Variants in KLHL29 observed in about 807,000 individuals in gnomAD.
KLHL29 encodes the protein kelch like family member 29, also known as kelch-like protein 29.
In KLHL29, 21 loss-of-function variants were observed where a neutral mutation model predicts 80.4. The observed-to-expected ratio is 0.26, with a 90% CI of 0.19 to 0.38. KLHL29 has a LOEUF of 0.38. Among genes scored for constraint, KLHL29 ranks in the 10% least tolerant of loss-of-function variants. The probability of loss-of-function intolerance (pLI) is 1.00; values close to 1 mark genes in which losing one functional copy is unlikely to be tolerated. For synonymous variants in KLHL29, 511 were observed against 526.8 expected, an observed-to-expected ratio of 0.97 and a Z score of 0.41; for missense variants, 867 against 1,223.9, an observed-to-expected ratio of 0.71 and a Z score of 4.35.
chr2:23,491,273 G>A (rs1665095418), intron 2 of KLHL29, among the ~76,000 whole-genome samples: 1 of 152,122 alleles, frequency 6.6e-6, no homozygotes, highest in South Asian at 2.1e-4. Context: ...AGGTGGGTGG[G>A]TATGTGAATG....
Position 23,696,100 on chromosome 2 carries a change from G to A in KLHL29, c.1891G>A (p.Val631Ile). ...CTTCTATGACCGCGAGTTCTTCAGT[G>A]TAGTGAGTGCAGGGGACAACATCTA... is the stretch of plus-strand genomic sequence containing the variant. ...LPFYDREFFS[V>I]VSAGDNIYLS... Residue 631 changes from valine to isoleucine, a missense_variant, in exon 10 of 14, where the codon GTA becomes ATA. Physicochemically the swap from Val to Ile is conservative, Grantham distance 29. Around this residue, in one of 2 missense-constraint regions of KLHL29, gnomAD observed 443 missense variants for 767.0 expected, o/e 0.58. Coordinates refer to ENST00000486442, the MANE Select transcript of KLHL29 (RefSeq NM_052920.2). This position sits in a 1 kb window ranked among gnomAD's most constrained non-coding sequence, Gnocchi z 5.5. 2 of 1,551,832 alleles carry A rather than the reference G, an allele frequency of 1.3e-6. No homozygotes were observed. Among genetic ancestry groups the A allele is most frequent in the Non-Finnish European group, 8.7e-7 (1 of 1,147,016 alleles).
intron 1 of KLHL29, among the ~76,000 whole-genome samples, chr2:23,419,879 T>C (rs1662736258): frequency 6.6e-6 from 1 of 152,110 alleles, no homozygotes; most frequent in Non-Finnish European, 1.5e-5. Context: ...TACTCCAGGA[T>C]TAGGCTGCCT....
At chr2:23,415,406 T>A (rs939475498) in intron 1 of KLHL29, among the ~76,000 whole-genome samples, 4 of 152,236 alleles carry the variant, frequency 2.6e-5, no homozygotes, top group Non-Finnish European at 4.4e-5. Context: ...TTAAAAACGT[T>A]CTTTCTTTTG....
chr2:23,597,974 A>G (rs1378046448), intron 3 of KLHL29, among the ~76,000 whole-genome samples: 1 of 152,118 alleles, frequency 6.6e-6, no homozygotes, highest in Non-Finnish European at 1.5e-5. Flanking sequence ...GCCAGGAGTA[A>G]GGCCCCCTTC....
intron 1 of KLHL29, among the ~76,000 whole-genome samples, chr2:23,425,573 C>T (rs759684179): frequency 3.0e-4 from 46 of 152,306 alleles, no homozygotes; most frequent in Middle Eastern, 6.8e-3. Context: ...AGCCCCCTGC[C>T]TGCGTCCTAC....
intron 3 of KLHL29, among the ~76,000 whole-genome samples, chr2:23,563,915 G>A (rs908567000): frequency 6.6e-6 from 1 of 152,262 alleles, no homozygotes; most frequent in Non-Finnish European, 1.5e-5. Context: ...CCCCAGGCCA[G>A]CCAAACACAT....
chr2:23,404,065 A>T (rs1666666312), intron 1 of KLHL29, among the ~76,000 whole-genome samples: 1 of 152,236 alleles, frequency 6.6e-6, no homozygotes, highest in Non-Finnish European at 1.5e-5. Context: ...GTGTTTTAAT[A>T]GAAGGCTTTA....
intron 2 of KLHL29, among the ~76,000 whole-genome samples, chr2:23,536,708 G>A (rs2103481189): frequency 6.6e-6 from 1 of 152,250 alleles, no homozygotes; most frequent in South Asian, 2.1e-4. Flanking sequence ...AGGCCGTTAG[G>A]AGGACAAAGA....
chr2:23,493,870 C>A (rs779266003), intron 2 of KLHL29, among the ~76,000 whole-genome samples: 1 of 152,148 alleles, frequency 6.6e-6, no homozygotes, highest in Non-Finnish European at 1.5e-5. Context: ...AAATTGAAAT[C>A]GAGCTGAGTA....
rs1443981793 is a variant in KLHL29, at chr2:23,436,282, GT to G, written c.-153-39277del. 2.4e-4 allele frequency among the ~76,000 whole-genome samples: 4 copies of G among 16,868 alleles called. No individual in the cohort carries two copies. The East Asian group carries it at 7.5e-3, about 32-fold the overall frequency. The allele number at this position is 16,868 out of a possible 152,430, so 11.1% of individuals were successfully genotyped here. A position where few individuals can be genotyped will look rare whatever the true frequency, so the allele number is the denominator to read the frequency against. On this transcript the variant is annotated intron_variant, in intron 1 of 13. Transcript: ENST00000486442. ...GAGAAGTAAATAGCCAATCAGCTTT[GT>G]GTGTGTGTGTGTGTGTGTGTGTGTG...
At chr2:23,420,770 AATGGCACTGCTGAGGC>A (rs1161364017) in intron 1 of KLHL29, among the ~76,000 whole-genome samples, 5 of 152,178 alleles carry the variant, frequency 3.3e-5, no homozygotes, top group African/African-American at 9.6e-5. Context: ...CTTTTCCAGA[AATGGCACTGCTGAGGC>A]CCATCTGTCA....
At position 23,633,402 on chromosome 2, in the gene KLHL29, A is replaced by G. The variant is rs189318905; in HGVS notation, c.286-5737A>G. The stretch of plus-strand genomic sequence containing the variant: ...TAACACTGTACATTTATATGTCAAG[A>G]GTAAGGCACAAATGACTTTGCCCTT... On this transcript the variant is annotated intron_variant, in intron 3 of 13. Coordinates refer to ENST00000486442, the MANE Select transcript of KLHL29 (RefSeq NM_052920.2). Among the ~76,000 whole-genome samples, 12 of 152,368 alleles carry G rather than the reference A, an allele frequency of 7.9e-5. No homozygotes were observed. In the East Asian group the frequency reaches 1.5e-3, roughly 20 times the overall value.
chr2:23,703,268 G>A lies in KLHL29; in HGVS notation c.2188G>A (p.Gly730Ser), dbSNP rs1411150649. 1.0e-5 allele frequency: 16 copies of A among 1,548,114 alleles called. No homozygotes were observed. The highest frequency in any genetic ancestry group is 2.0e-5 in the Admixed American group (1 of 50,586). ...VHSAAATVCG[G>S]KIYVFGGVNE... ...CTCTGCTGCAGCCACAGTGTGTGGCGGCAAGATCTACGTGTTTGGTGGGGT... is the reference window on the plus strand; with the variant it reads ...CTCTGCTGCAGCCACAGTGTGTGGCAGCAAGATCTACGTGTTTGGTGGGGT... Residue 730 changes from glycine (G) to serine (S), a missense_variant, in exon 12 of 14, where the codon GGC (glycine) becomes AGC (serine). Coordinates refer to ENST00000486442, the MANE Select transcript of KLHL29 (RefSeq NM_052920.2).
Position 23,684,543 on chromosome 2 carries a change from C to A in KLHL29, c.1079+6C>A. 1 of 1,542,720 alleles carries A rather than the reference C, an allele frequency of 6.5e-7. No homozygotes were observed. Among genetic ancestry groups the A allele is most frequent in the Non-Finnish European group, 8.7e-7 (1 of 1,144,206 alleles). On this transcript the variant is annotated splice_donor_region_variant and intron_variant, in intron 6 of 13. Transcript: ENST00000486442. The surrounding 1 kb of genome is among the most constrained non-coding windows in gnomAD (Gnocchi z 4.4). ...TTCAAGGACCTGATTCAAAGGTTTG[C>A]CTTCCTTCCAGCTGTGGTCGGGTCT...
chr2:23,481,035 C>G (rs1664784024), intron 2 of KLHL29, among the ~76,000 whole-genome samples: 1 of 152,222 alleles, frequency 6.6e-6, no homozygotes, highest in Admixed American at 6.5e-5. Context: ...CTCTTCCATG[C>G]TCTCGAAACG....
intron 2 of KLHL29, chr2:23,506,960 T>C (rs547013501): frequency 4.6e-6 from 1 of 219,560 alleles, no homozygotes; most frequent in African/African-American, 2.3e-5. Flanking sequence ...GGGAGAAGAA[T>C]GCTGAACTTA....
In KLHL29 at chr2:23,703,783, C is replaced by A; in HGVS notation, c.2364C>A (p.Ala788=). The change falls in exon 13 of 14, where the codon GCC becomes GCA. Residue 788 remains alanine, a synonymous_variant. Transcript: ENST00000486442. ...GFVFILGGAY[A]RATTIYDPEK... Reference sequence around the variant, plus strand: ...TTTTCATCCTGGGCGGGGCTTATGCCAGAGCTACCACCATCTACGACCCTG... The same window carrying A: ...TTTTCATCCTGGGCGGGGCTTATGCAAGAGCTACCACCATCTACGACCCTG... 1 of 1,537,446 alleles carries A rather than the reference C, an allele frequency of 6.5e-7. No homozygotes were observed. Among genetic ancestry groups the A allele is most frequent in the Non-Finnish European group, 8.7e-7 (1 of 1,146,948 alleles).
chr2:23,573,951 G>C (rs1021236401), intron 3 of KLHL29, among the ~76,000 whole-genome samples: 1 of 152,166 alleles, frequency 6.6e-6, no homozygotes, highest in East Asian at 1.9e-4. Flanking sequence ...ACGGCCATCA[G>C]GACCATCTGC....
intron 2 of KLHL29, among the ~76,000 whole-genome samples, chr2:23,519,403 T>C (rs1666031156): frequency 6.9e-6 from 1 of 144,234 alleles, no homozygotes; most frequent in African/African-American, 2.5e-5. Flanking sequence ...TCCCATGGCA[T>C]CCGATGACTC....
Sources: allele counts gnomAD v4.1 joint callset (sites outside exome capture counted in the v4.1 genomes callset), GRCh38; gene constraint gnomAD v4.1.1; regional missense constraint gnomAD v4.1.1; non-coding constraint Gnocchi (gnomAD v3.1); transcripts MANE v1.5; gene names NCBI Gene and HGNC (gene_info 2026-07-23, HGNC 2026-07-21).